Variants in CNTN4 observed in about 807,000 individuals in gnomAD.
CNTN4 encodes contactin-4.
Under a neutral mutation model 122.5 loss-of-function variants are expected in CNTN4, and 77 were observed. The ratio of observed to expected loss-of-function variants is 0.63; its 90% CI spans 0.52 to 0.76. The LOEUF is 0.76. Ranked by LOEUF, CNTN4 falls within the 30% of genes least tolerant of loss-of-function variation. The probability of loss-of-function intolerance (pLI) is 0.00; values close to 1 mark genes in which losing one functional copy is unlikely to be tolerated. For missense variants in CNTN4, 1,256 were observed against 1,259.1 expected, an observed-to-expected ratio of 1.00 and a Z score of 0.04; for synonymous variants, 512 against 447.0, an observed-to-expected ratio of 1.15 and a Z score of -1.83.
chr3:2,120,353 A>T (rs1242871192), intron 2 of CNTN4, among the ~76,000 whole-genome samples: 10 of 43,886 alleles, frequency 2.3e-4, no homozygotes, highest in African/African-American at 5.9e-4. Context: ...CATTTAGGTT[A>T]TATATATATA....
At chr3:2,757,226 A>T (rs1283370375) in intron 6 of CNTN4, among the ~76,000 whole-genome samples, 1 of 152,194 alleles carries the variant, frequency 6.6e-6, no homozygotes, top group East Asian at 1.9e-4. Context: ...ACTGCAAAAA[A>T]TTCAAAGGGT....
chr3:2,533,388 A>AT (rs565944798), intron 3 of CNTN4, among the ~76,000 whole-genome samples: 212 of 151,570 alleles, frequency 1.4e-3, no homozygotes, highest in Non-Finnish European at 2.6e-3. Context: ...GCAGTGTTTG[A>AT]TTTTTTGTCC....
At chr3:2,372,449 A>G (rs902193298) in intron 3 of CNTN4, among the ~76,000 whole-genome samples, 2 of 152,254 alleles carry the variant, frequency 1.3e-5, no homozygotes, top group African/African-American at 2.4e-5. Context: ...CAGTGCTACA[A>G]GCTGACTGTC....
intron 3 of CNTN4, among the ~76,000 whole-genome samples, chr3:2,429,724 G>C (rs1575610699): frequency 2.6e-5 from 4 of 152,264 alleles, no homozygotes; most frequent in Admixed American, 2.6e-4. Flanking sequence ...GCTGCAGTGG[G>C]CTCCACCCAG....
intron 2 of CNTN4, among the ~76,000 whole-genome samples, chr3:2,189,423 C>T (rs940983824): frequency 3.9e-5 from 6 of 152,108 alleles, no homozygotes; most frequent in African/African-American, 1.2e-4. Flanking sequence ...GGATGGTACT[C>T]AGTGCAATAA....
intron 3 of CNTN4, among the ~76,000 whole-genome samples, chr3:2,351,785 G>T (rs189424340): frequency 3.9e-4 from 58 of 150,474 alleles, no homozygotes; most frequent in Admixed American, 1.2e-3. Context: ...ACTCACAGAA[G>T]TAGTAAAATG....
intron 4 of CNTN4, among the ~76,000 whole-genome samples, chr3:2,618,416 A>G (rs1559310889): frequency 6.6e-6 from 1 of 152,182 alleles, no homozygotes; most frequent in Non-Finnish European, 1.5e-5. Context: ...TGTTTGCTCT[A>G]TATAAATAAG....
chr3:2,649,673 G>A (rs1004773764), intron 4 of CNTN4, among the ~76,000 whole-genome samples: 2 of 152,082 alleles, frequency 1.3e-5, no homozygotes, highest in Non-Finnish European at 2.9e-5. Context: ...ACACAACATC[G>A]AATCTGCAGC....
chr3:2,460,186 G>A (rs2049154118), intron 3 of CNTN4, among the ~76,000 whole-genome samples: 1 of 152,032 alleles, frequency 6.6e-6, no homozygotes, highest in Admixed American at 6.6e-5. Context: ...CCTATGTATA[G>A]TTTATCACCA....
At chr3:2,342,240 G>A (rs1271998003) in intron 3 of CNTN4, among the ~76,000 whole-genome samples, 1 of 151,996 alleles carries the variant, frequency 6.6e-6, no homozygotes, top group Non-Finnish European at 1.5e-5. Flanking sequence ...TCATAGGCTT[G>A]GGTCATGTTA....
intron 3 of CNTN4, among the ~76,000 whole-genome samples, chr3:2,452,015 T>C (rs894526959): frequency 6.6e-6 from 1 of 152,174 alleles, no homozygotes; most frequent in Non-Finnish European, 1.5e-5. Flanking sequence ...GTTTTCACCA[T>C]TCAAACTCTT....
At chr3:2,239,263 A>C (rs2039830051) in intron 2 of CNTN4, among the ~76,000 whole-genome samples, 1 of 152,132 alleles carries the variant, frequency 6.6e-6, no homozygotes, top group Non-Finnish European at 1.5e-5. Flanking sequence ...GGCATTACAG[A>C]GTTTGATTTA....
At chr3:2,416,242 T>C (rs1339283367) in intron 3 of CNTN4, among the ~76,000 whole-genome samples, 2 of 152,112 alleles carry the variant, frequency 1.3e-5, no homozygotes, top group African/African-American at 2.4e-5. Flanking sequence ...CATAAAAGAA[T>C]AGGATTCTTA....
At chr3:2,869,717 G>A (rs1202947921) in intron 8 of CNTN4, among the ~76,000 whole-genome samples, 20 of 152,150 alleles carry the variant, frequency 1.3e-4, no homozygotes, top group Non-Finnish European at 1.9e-4. Flanking sequence ...AAAGATCAGC[G>A]TTTTCATCCG....
chr3:2,930,876 C>G (rs1228820790), intron 13 of CNTN4, among the ~76,000 whole-genome samples: 1 of 152,094 alleles, frequency 6.6e-6, no homozygotes, highest in Non-Finnish European at 1.5e-5. Context: ...CCCAGTAGCA[C>G]AATATCAATA....
intron 3 of CNTN4, among the ~76,000 whole-genome samples, chr3:2,350,480 C>T (rs1387627883): frequency 6.6e-6 from 1 of 152,056 alleles, no homozygotes; most frequent in Non-Finnish European, 1.5e-5. Context: ...TGTCCTGATG[C>T]TAATAATTCT....
intron 10 of CNTN4, among the ~76,000 whole-genome samples, chr3:2,900,472 T>C (rs1474534384): frequency 6.6e-6 from 1 of 152,318 alleles, no homozygotes; most frequent in South Asian, 2.1e-4. Flanking sequence ...ATTTTGCATT[T>C]AGCGATTAAA....
chr3:2,367,431 T>A (rs542226440), intron 3 of CNTN4, among the ~76,000 whole-genome samples: 1 of 152,266 alleles, frequency 6.6e-6, no homozygotes, highest in Non-Finnish European at 1.5e-5. Context: ...AATACGAAAA[T>A]CTTAATTATA....
intron 7 of CNTN4, among the ~76,000 whole-genome samples, chr3:2,850,563 C>T (rs2093532608): frequency 1.3e-5 from 2 of 152,156 alleles, no homozygotes; most frequent in African/African-American, 2.4e-5. Flanking sequence ...TCATGCGAAA[C>T]CATGTTCTGT....
Sources: gnomAD v4.1 joint callset for allele counts (sites outside exome capture counted in the v4.1 genomes callset) on GRCh38, gnomAD v4.1.1 for gene constraint, MANE v1.5 for transcripts, NCBI Gene and HGNC (gene_info 2026-07-23, HGNC 2026-07-21) for gene names.